Variants in IKZF3 observed in about 807,000 individuals in gnomAD.
IKZF3 encodes zinc finger protein Aiolos.
A neutral mutation model predicts 49.0 loss-of-function variants in IKZF3; 10 were observed. The ratio of observed to expected loss-of-function variants is 0.20; its 90% CI spans 0.13 to 0.35. The LOEUF is 0.35. Ranked by LOEUF, IKZF3 falls within the 10% of genes least tolerant of loss-of-function variation. The probability of loss-of-function intolerance (pLI) is 1.00; values close to 1 mark genes in which losing one functional copy is unlikely to be tolerated. For synonymous variants in IKZF3, 209 were observed against 228.2 expected (o/e 0.92, Z 0.76); for missense variants, 498 against 664.8 (o/e 0.75, Z 2.76).
chr17:39,851,015 T>C (rs1484509216), intron 1 of IKZF3, among the ~76,000 whole-genome samples: 1 of 145,258 alleles, frequency 6.9e-6, no homozygotes, highest in Admixed American at 7.2e-5. Context: ...ATATATTATA[T>C]ACACGTATGT....
chr17:39,805,411 A>G (rs544426702), intron 3 of IKZF3, among the ~76,000 whole-genome samples: 1 of 152,314 alleles, frequency 6.6e-6, no homozygotes, highest in South Asian at 2.1e-4. Context: ...TAACAATCAG[A>G]CCCAAAGCGT....
At chr17:39,766,518 A>G (rs758425211) in intron 7 of IKZF3, 25 bp from the exon 8 acceptor site, 10 of 1,562,540 alleles carry the variant, frequency 6.4e-6, no homozygotes, top group Non-Finnish European at 8.7e-6. Context: ...AGAAAGGGTT[A>G]CAAAGGGAAC....
At chr17:39,843,808 T>TAA (rs79751726) in intron 1 of IKZF3, among the ~76,000 whole-genome samples, 9 of 132,836 alleles carry the variant, frequency 6.8e-5, no homozygotes, top group Non-Finnish European at 3.3e-5. Context: ...CTCCGTCTTT[T>TAA]AAAAAAAAAA....
intron 6 of IKZF3, among the ~76,000 whole-genome samples, chr17:39,786,062 A>C (rs2060867060): frequency 6.6e-6 from 1 of 152,176 alleles, no homozygotes; most frequent in African/African-American, 2.4e-5. Context: ...GGAAGGGGGA[A>C]TAGGGAGTGA....
In IKZF3 at chr17:39,859,196, A is replaced by G. The variant is rs1010635782; in HGVS notation, c.7+4924T>C. On this transcript the variant is annotated intron_variant, in intron 1 of 7. Coordinates refer to ENST00000346872, the MANE Select transcript of IKZF3 (RefSeq NM_012481.5). Reference sequence around the variant, plus strand: ...AGATTTCAATTAGACTGAAAAAATAACCTCATTCAGAATCACTAGGGATAA... The same window carrying G: ...AGATTTCAATTAGACTGAAAAAATAGCCTCATTCAGAATCACTAGGGATAA... 2.0e-5 allele frequency among the ~76,000 whole-genome samples: 3 copies of G among 152,074 alleles called. No individual in the cohort carries two copies. The East Asian group carries it at 5.8e-4, about 29-fold the overall frequency.
At chr17:39,784,792 C>G (rs1276350915) in intron 6 of IKZF3, among the ~76,000 whole-genome samples, 1 of 152,220 alleles carries the variant, frequency 6.6e-6, no homozygotes, top group African/African-American at 2.4e-5. Flanking sequence ...GAGAACTCAA[C>G]AAATGCTATC....
Position 39,765,793 on chromosome 17 carries a change from C to A in IKZF3, c.1527G>T (p.Lys509Asn). Reference protein sequence around the residue: ...IARGEHRALLK With the variant: ...IARGEHRALLN The stretch of plus-strand genomic sequence containing the variant: ...AGCAATCCCTGAGACCAGATATTCA[C>A]TTCAGCAGGGCTCTGTGTTCTCCTC... Residue 509 changes from lysine to asparagine, a missense_variant, in exon 8 of 8, where the codon AAG (lysine) becomes AAT (asparagine). Coordinates refer to ENST00000346872, the MANE Select transcript of IKZF3 (RefSeq NM_012481.5). The A allele has an allele frequency of 6.3e-7, 1 of 1,594,388 alleles. No homozygotes were observed. The highest frequency in any genetic ancestry group is 8.6e-7 in the Non-Finnish European group (1 of 1,165,666).
chr17:39,829,406 A>G lies in IKZF3; in HGVS notation c.144T>C (p.Asn48=), dbSNP rs764267327. ...GCTCACCTCCTATGTCTTCATCTTCATTGGCTGGGCCTTCTCCACTGTCCA... is the reference window on the plus strand; with the variant it reads ...GCTCACCTCCTATGTCTTCATCTTCGTTGGCTGGGCCTTCTCCACTGTCCA... ...ENVDSGEGPA[N]EDEDIGDDSM... is the part of the protein sequence containing the mutation. The change falls in exon 3 of 8, where the codon AAT becomes AAC. Residue 48 remains asparagine, a synonymous_variant. Coordinates refer to ENST00000346872, the MANE Select transcript of IKZF3 (RefSeq NM_012481.5). 1 of 1,613,680 alleles carries G rather than the reference A, an allele frequency of 6.2e-7. No individual in the cohort carries two copies. Among genetic ancestry groups the G allele is most frequent in the African/African-American group, 1.3e-5 (1 of 75,044 alleles).
At chr17:39,835,906 T>C in intron 1 of IKZF3, 1 of 653,772 alleles carries the variant, frequency 1.5e-6, no homozygotes. Context: ...AGCCCCTGCA[T>C]GTTGCCAAGA....
intron 2 of IKZF3, among the ~76,000 whole-genome samples, chr17:39,830,034 A>T (rs1259561862): frequency 6.6e-6 from 1 of 152,200 alleles, no homozygotes; most frequent in African/African-American, 2.4e-5. Context: ...TATTTCTTTC[A>T]TCTGAGTTAA....
intron 1 of IKZF3, chr17:39,835,398 C>T (rs550879946): frequency 3.2e-5 from 15 of 474,920 alleles, no homozygotes; most frequent in South Asian, 2.3e-4. Flanking sequence ...CCCACACATA[C>T]ACAATGGCGG....
chr17:39,837,509 C>A (rs985940533), intron 1 of IKZF3, among the ~76,000 whole-genome samples: 1 of 151,522 alleles, frequency 6.6e-6, no homozygotes, highest in African/African-American at 2.4e-5. Flanking sequence ...AACTCCTGGC[C>A]TCAAGCCATC....
chr17:39,834,902 C>T (rs1216799474), intron 1 of IKZF3: 1 of 335,430 alleles, frequency 3.0e-6, no homozygotes, highest in Non-Finnish European at 5.8e-6. Flanking sequence ...ACAGTGGCCT[C>T]CTCCACAGGC....
intron 3 of IKZF3, among the ~76,000 whole-genome samples, chr17:39,801,587 T>A (rs2061318891): frequency 6.6e-6 from 1 of 152,316 alleles, no homozygotes; most frequent in South Asian, 2.1e-4. Flanking sequence ...CCTTATAAAA[T>A]TAATGTCTAT....
intron 1 of IKZF3, 132 bp from the exon 2 acceptor site, chr17:39,832,283 C>T (rs892643319): frequency 1.7e-6 from 1 of 588,162 alleles, no homozygotes; most frequent in South Asian, 2.3e-5. Context: ...CAAGATTACT[C>T]TTTCTCTATA....
At chr17:39,828,481 G>C (rs755415809) in intron 3 of IKZF3, among the ~76,000 whole-genome samples, 19 of 152,214 alleles carry the variant, frequency 1.2e-4, no homozygotes, top group Non-Finnish European at 2.4e-4. Flanking sequence ...GTAAAGGAAT[G>C]AATAAATGAG....
chr17:39,824,749 GC>G (rs1187294657), intron 3 of IKZF3, among the ~76,000 whole-genome samples: 3 of 151,248 alleles, frequency 2.0e-5, no homozygotes, highest in African/African-American at 7.3e-5. Context: ...AGGCTGGAGT[GC>G]AGTGGCGTGA....
At chr17:39,787,674 C>T (rs1180437869) in intron 6 of IKZF3, among the ~76,000 whole-genome samples, 1 of 152,216 alleles carries the variant, frequency 6.6e-6, no homozygotes, top group Non-Finnish European at 1.5e-5. Context: ...TTGCAATGGC[C>T]TCCTAACTGG....
intron 3 of IKZF3, among the ~76,000 whole-genome samples, chr17:39,806,455 A>C (rs2144051118): frequency 6.6e-6 from 1 of 152,376 alleles, no homozygotes; most frequent in South Asian, 2.1e-4. Flanking sequence ...TCACCAGGAA[A>C]TTATATGAAT....
Sources: allele counts gnomAD v4.1 joint callset (sites outside exome capture counted in the v4.1 genomes callset), GRCh38; gene constraint gnomAD v4.1.1; transcripts MANE v1.5; gene names NCBI Gene and HGNC (gene_info 2026-07-23, HGNC 2026-07-21).